SNX29: variants seen among roughly 807,000 people sequenced by gnomAD.
SNX29 encodes sorting nexin 29, also known as sorting nexin-29.
A neutral mutation model predicts 102.1 loss-of-function variants in SNX29; 78 were observed. That is an observed-to-expected ratio of 0.76 (90% CI 0.64 to 0.92). The LOEUF (loss-of-function observed/expected upper bound fraction) is 0.92, where lower values mean the gene tolerates loss of function less well. Among genes scored for constraint, SNX29 ranks in the 40% least tolerant of loss-of-function variants. The pLI is 0.00. For missense variants in SNX29, 1,280 were observed against 1,061.7 expected (o/e 1.21, Z -2.86); for synonymous variants, 580 against 414.5 (o/e 1.40, Z -4.85).
At chr16:12,381,863 C>G (rs928032937) in intron 16 of SNX29, among the ~76,000 whole-genome samples, 5 of 148,658 alleles carry the variant, frequency 3.4e-5, no homozygotes, top group African/African-American at 1.3e-4. Flanking sequence ...CACTCACCCA[C>G]TCACCCATCA....
chr16:12,008,957 G>T (rs1178853951), intron 3 of SNX29, among the ~76,000 whole-genome samples: 1 of 151,634 alleles, frequency 6.6e-6, no homozygotes, highest in Non-Finnish European at 1.5e-5. Context: ...GGTCAGGCTG[G>T]TCTTAAACAC....
intron 3 of SNX29, among the ~76,000 whole-genome samples, chr16:12,021,739 A>G (rs899229014): frequency 6.6e-6 from 1 of 151,994 alleles, no homozygotes; most frequent in African/African-American, 2.4e-5. Context: ...AATACACACA[A>G]AAAATGGCCG....
chr16:12,570,885 A>T lies in SNX29; in HGVS notation c.*2256A>T, dbSNP rs950933008. 2.6e-5 allele frequency: 6 copies of T among 231,136 alleles called. No homozygotes were observed. The highest frequency in any genetic ancestry group is 1.3e-4 in the African/African-American group (6 of 45,042). The allele number at this position is 231,136 out of a possible 1,614,324, so 14.3% of individuals were successfully genotyped here. On this transcript the variant is annotated 3_prime_UTR_variant, in exon 21 of 21. Transcript: ENST00000566228. ...CTGCCTCCTACTTTTATAATACTGA[A>T]TTATTCACAAAAAACCTGGTCTGCT... is the stretch of plus-strand genomic sequence containing the variant.
At chr16:12,498,137 C>G (rs1416814517) in intron 19 of SNX29, among the ~76,000 whole-genome samples, 2 of 152,188 alleles carry the variant, frequency 1.3e-5, no homozygotes, top group Non-Finnish European at 2.9e-5. Flanking sequence ...GCTATTGAAG[C>G]AGATAGACGA....
At chr16:12,462,005 ATATATATG>A (rs1490847448) in intron 18 of SNX29, among the ~76,000 whole-genome samples, 21 of 73,008 alleles carry the variant, frequency 2.9e-4, no homozygotes, top group African/African-American at 1.4e-3. Flanking sequence ...ATATATATAT[ATATATATG>A]TATACACACA....
chr16:12,201,231 A>T (rs571461269), intron 14 of SNX29, among the ~76,000 whole-genome samples: 3 of 152,212 alleles, frequency 2.0e-5, no homozygotes, highest in East Asian at 3.9e-4. Context: ...AGATATTGCT[A>T]TTATGGCCCT....
chr16:12,323,517 TAA>T (rs33988318), intron 15 of SNX29, among the ~76,000 whole-genome samples: 3,369 of 146,434 alleles, frequency 0.023, 124 homozygotes, highest in African/African-American at 0.08. Flanking sequence ...CTAGAGGTTT[TAA>T]AAAAAAAAAA....
At chr16:11,994,023 A>G (rs1007402955) in intron 1 of SNX29, among the ~76,000 whole-genome samples, 1 of 152,224 alleles carries the variant, frequency 6.6e-6, no homozygotes, top group African/African-American at 2.4e-5. Flanking sequence ...TGGGAGGCTG[A>G]GGCAGGATAA....
intron 19 of SNX29, among the ~76,000 whole-genome samples, chr16:12,487,100 C>G (rs1313484684): frequency 6.6e-6 from 1 of 152,154 alleles, no homozygotes; most frequent in African/African-American, 2.4e-5. Flanking sequence ...CATGCCACTT[C>G]TAGTATTGTG....
At chr16:12,328,112 C>G (rs948924851) in intron 15 of SNX29, among the ~76,000 whole-genome samples, 1 of 152,192 alleles carries the variant, frequency 6.6e-6, no homozygotes, top group Non-Finnish European at 1.5e-5. Flanking sequence ...GCACATACCT[C>G]TCCCTTGTAG....
At chr16:12,547,542 G>A (rs1041084848) in intron 20 of SNX29, among the ~76,000 whole-genome samples, 1 of 152,126 alleles carries the variant, frequency 6.6e-6, no homozygotes, top group Non-Finnish European at 1.5e-5. Flanking sequence ...TGGAAGAACA[G>A]AGTCCTGAGC....
At chr16:12,007,720 T>G (rs2056504087) in intron 3 of SNX29, among the ~76,000 whole-genome samples, 1 of 152,180 alleles carries the variant, frequency 6.6e-6, no homozygotes, top group African/African-American at 2.4e-5. Context: ...GCATGGCCGC[T>G]GCAGCCTTAG....
At chr16:12,335,018 C>A (rs1317918897) in intron 15 of SNX29, among the ~76,000 whole-genome samples, 1 of 148,562 alleles carries the variant, frequency 6.7e-6, no homozygotes, top group Non-Finnish European at 1.5e-5. Context: ...AGAAAACAAA[C>A]CCTGCCAAGA....
At chr16:12,539,310 CCCT>C (rs2077218611) in intron 20 of SNX29, among the ~76,000 whole-genome samples, 1 of 152,062 alleles carries the variant, frequency 6.6e-6, no homozygotes, top group Non-Finnish European at 1.5e-5. Context: ...TTGTCCCTCC[CCCT>C]CTAGTTTTGT....
intron 20 of SNX29, among the ~76,000 whole-genome samples, chr16:12,560,393 TAATCCCCAAAA>T: frequency 6.6e-6 from 1 of 152,332 alleles, no homozygotes; most frequent in Admixed American, 6.5e-5. Context: ...TTGAGTTCTT[TAATCCCCAAAA>T]GCCACAGTGT....
intron 19 of SNX29, among the ~76,000 whole-genome samples, chr16:12,480,848 G>A (rs2151829652): frequency 6.6e-6 from 1 of 152,294 alleles, no homozygotes. Flanking sequence ...TCTCTGCTGT[G>A]CAGGAGCTGG....
At chr16:12,278,136 C>A in intron 15 of SNX29, 100 bp downstream of exon 15, 2 of 998,962 alleles carry the variant, frequency 2.0e-6, no homozygotes, top group Non-Finnish European at 3.0e-6. Context: ...GTGAGCAAAA[C>A]GACCAAGCAA....
chr16:12,260,759 G>A (rs2078717646), intron 14 of SNX29, among the ~76,000 whole-genome samples: 2 of 151,734 alleles, frequency 1.3e-5, no homozygotes, highest in African/African-American at 4.8e-5. Context: ...CAGCTGGAGT[G>A]AGTGTTCGCT....
intron 19 of SNX29, among the ~76,000 whole-genome samples, chr16:12,511,020 C>T (rs373214335): frequency 2.0e-5 from 3 of 151,958 alleles, no homozygotes; most frequent in South Asian, 4.2e-4. Context: ...GCAGTGGTGC[C>T]ATTTCGGCTC....
Sources: gnomAD v4.1 joint callset for allele counts (sites outside exome capture counted in the v4.1 genomes callset) on GRCh38, gnomAD v4.1.1 for gene constraint, MANE v1.5 for transcripts, NCBI Gene and HGNC (gene_info 2026-07-23, HGNC 2026-07-21) for gene names.